The following THRB variants were observed in gnomAD, a reference collection of about 807,000 sequenced individuals.
The protein encoded by THRB is thyroid hormone receptor beta, also known as nuclear receptor subfamily 1 group A member 2.
A neutral mutation model predicts 47.8 loss-of-function variants in THRB; 12 were observed. The ratio of observed to expected loss-of-function variants is 0.25; its 90% CI spans 0.16 to 0.41. THRB has a LOEUF of 0.41. Among genes scored for constraint, THRB ranks in the 10% least tolerant of loss-of-function variants. The probability of loss-of-function intolerance (pLI) is 1.00; values close to 1 mark genes in which losing one functional copy is unlikely to be tolerated. For synonymous variants in THRB, 218 were observed against 212.2 expected (o/e 1.03, Z -0.24); for missense variants, 348 against 589.2 (o/e 0.59, Z 4.24).
At chr3:24,180,340 C>T (rs1246029081) in intron 5 of THRB, among the ~76,000 whole-genome samples, 3 of 152,160 alleles carry the variant, frequency 2.0e-5, no homozygotes, top group Non-Finnish European at 4.4e-5. Flanking sequence ...GACTAATAAA[C>T]CATCAACCCA....
chr3:24,349,135 C>T (rs142403757), intron 1 of THRB, among the ~76,000 whole-genome samples: 25 of 152,114 alleles, frequency 1.6e-4, no homozygotes, highest in African/African-American at 5.8e-4. Flanking sequence ...ATATCAAATA[C>T]TTTAAAATCC....
chr3:24,363,216 A>C (rs1002780462), intron 1 of THRB, among the ~76,000 whole-genome samples: 1 of 152,142 alleles, frequency 6.6e-6, no homozygotes, highest in Non-Finnish European at 1.5e-5. Context: ...TAAATCGCCT[A>C]AGACATTTCA....
At chr3:24,402,383 C>T (rs559441040) in intron 1 of THRB, among the ~76,000 whole-genome samples, 1 of 152,114 alleles carries the variant, frequency 6.6e-6, no homozygotes, top group East Asian at 1.9e-4. Context: ...TTGCCACAAG[C>T]TCTCTAATGC....
chr3:24,454,311 T>G (rs1248346400), intron 1 of THRB, among the ~76,000 whole-genome samples: 1 of 152,024 alleles, frequency 6.6e-6, no homozygotes, highest in Non-Finnish European at 1.5e-5. Flanking sequence ...AATAGGAAAA[T>G]TCATAATTCA....
chr3:24,131,562 A>G (rs2033867225), intron 9 of THRB, among the ~76,000 whole-genome samples: 1 of 152,158 alleles, frequency 6.6e-6, no homozygotes, highest in Non-Finnish European at 1.5e-5. Flanking sequence ...TTCAAAATCC[A>G]TATGTTGCAA....
At position 24,456,162 on chromosome 3, in the gene THRB, C is replaced by G. The variant is rs185364348; in HGVS notation, c.-261+38490G>C. 1.4e-4 allele frequency among the ~76,000 whole-genome samples: 21 copies of G among 151,858 alleles called. No homozygotes were observed. In the East Asian group the frequency reaches 4.1e-3, roughly 29 times the overall value. ...TGGGCAACATAGTGAGGCCTAATCT[C>G]TAAGAAAAAAAATTTTTTAAAAATT... On this transcript the variant is annotated intron_variant, in intron 1 of 10. Coordinates refer to ENST00000646209, the MANE Select transcript of THRB (RefSeq NM_001354712.2).
At chr3:24,131,286 A>C (rs826379) in intron 9 of THRB, among the ~76,000 whole-genome samples, 83,677 of 151,992 alleles carry the variant, frequency 0.55, 23,221 homozygotes, top group East Asian at 0.66. Context: ...ACCATAAATC[A>C]TTACCTTTAT....
At chr3:24,158,854 CT>C in intron 5 of THRB, among the ~76,000 whole-genome samples, 1 of 151,998 alleles carries the variant, frequency 6.6e-6, no homozygotes, top group Non-Finnish European at 1.5e-5. Flanking sequence ...CTCTCTCTCT[CT>C]CTCTCTCTCT....
chr3:24,157,117 C>G (rs533863257), intron 5 of THRB, among the ~76,000 whole-genome samples: 41 of 152,168 alleles, frequency 2.7e-4, no homozygotes, highest in Non-Finnish European at 5.0e-4. Flanking sequence ...AGGCCTTCAT[C>G]CATTGCCCTC....
chr3:24,232,467 G>A (rs978458626), intron 3 of THRB, among the ~76,000 whole-genome samples: 1 of 152,170 alleles, frequency 6.6e-6, no homozygotes, highest in Non-Finnish European at 1.5e-5. Flanking sequence ...TATTTGGGGA[G>A]GATTTTGAGT....
intron 1 of THRB, among the ~76,000 whole-genome samples, chr3:24,399,738 C>A (rs1577323413): frequency 6.6e-6 from 1 of 152,074 alleles, no homozygotes; most frequent in Non-Finnish European, 1.5e-5. Context: ...TAGAAACAAA[C>A]ACCCAGAGAA....
intron 1 of THRB, among the ~76,000 whole-genome samples, chr3:24,375,052 A>G (rs2065169440): frequency 6.6e-6 from 1 of 151,874 alleles, no homozygotes; most frequent in South Asian, 2.1e-4. Flanking sequence ...ACTCAAATAC[A>G]CTAATTCTTT....
chr3:24,131,737 T>C (rs989348422), intron 9 of THRB, among the ~76,000 whole-genome samples: 1 of 152,220 alleles, frequency 6.6e-6, no homozygotes, highest in Non-Finnish European at 1.5e-5. Context: ...CAGCTGTCTA[T>C]GAATCAGGAA....
intron 1 of THRB, among the ~76,000 whole-genome samples, chr3:24,451,229 C>CTTTTTTTTTTT (rs71057674): frequency 1.0e-5 from 1 of 95,360 alleles, no homozygotes. Flanking sequence ...ACTACATGTA[C>CTTTTTTTTTTT]TTTTTTTTTT....
intron 1 of THRB, among the ~76,000 whole-genome samples, chr3:24,438,346 T>C (rs1009364093): frequency 1.3e-5 from 2 of 151,926 alleles, no homozygotes; most frequent in African/African-American, 2.4e-5. Flanking sequence ...AGCAGAAACA[T>C]AGAGCAGTTA....
intron 3 of THRB, among the ~76,000 whole-genome samples, chr3:24,296,745 G>C (rs777187967): frequency 1.8e-4 from 27 of 152,222 alleles, no homozygotes; most frequent in Admixed American, 1.0e-3. Flanking sequence ...GCACCAAGGA[G>C]GGGGAGGATG....
At chr3:24,246,165 T>A (rs2050096436) in intron 3 of THRB, among the ~76,000 whole-genome samples, 1 of 152,170 alleles carries the variant, frequency 6.6e-6, no homozygotes, top group Admixed American at 6.5e-5. Context: ...ACCTTGCACA[T>A]AGTAAGTGCT....
chr3:24,208,448 A>C (rs537536966), intron 4 of THRB, among the ~76,000 whole-genome samples: 34 of 152,340 alleles, frequency 2.2e-4, no homozygotes, highest in African/African-American at 7.2e-4. Flanking sequence ...GCTTCAAACT[A>C]TACTACAAGG....
intron 3 of THRB, among the ~76,000 whole-genome samples, chr3:24,269,439 AC>A (rs2053076055): frequency 1.5e-5 from 2 of 134,906 alleles, no homozygotes; most frequent in South Asian, 4.8e-4. Flanking sequence ...ACACACACAC[AC>A]ACTTAAGTTA....
Sources: gnomAD v4.1 joint callset for allele counts (sites outside exome capture counted in the v4.1 genomes callset) on GRCh38, gnomAD v4.1.1 for gene constraint, MANE v1.5 for transcripts, NCBI Gene and HGNC (gene_info 2026-07-23, HGNC 2026-07-21) for gene names.